DLC1: variants seen among roughly 807,000 people sequenced by gnomAD.
DLC1 encodes rho GTPase-activating protein 7.
Under a neutral mutation model 140.3 loss-of-function variants are expected in DLC1, and 54 were observed. The ratio of observed to expected loss-of-function variants is 0.38; its 90% CI spans 0.31 to 0.48. The LOEUF is 0.48. DLC1 is among the 20% of genes least tolerant of loss of function. DLC1 has a pLI of 0.96. For missense variants in DLC1, 2,536 were observed against 1,907.0 expected (o/e 1.33, Z -6.14); for synonymous variants, 986 against 728.1 (o/e 1.35, Z -5.70).
chr8:13,138,624 T>G (rs899444179), intron 5 of DLC1, among the ~76,000 whole-genome samples: 1 of 152,238 alleles, frequency 6.6e-6, no homozygotes, highest in African/African-American at 2.4e-5. Flanking sequence ...AAGAATAGAA[T>G]GTTTTGAAAA....
chr8:13,248,533 A>G (rs1232329488), intron 5 of DLC1, among the ~76,000 whole-genome samples: 1 of 152,050 alleles, frequency 6.6e-6, no homozygotes, highest in Non-Finnish European at 1.5e-5. Flanking sequence ...TTTTGTTCAT[A>G]TACTTCCCTT....
At chr8:13,490,006 T>C (rs1203264889) in intron 2 of DLC1, among the ~76,000 whole-genome samples, 1 of 151,008 alleles carries the variant, frequency 6.6e-6, no homozygotes, top group Non-Finnish European at 1.5e-5. Context: ...CGAGACTGTT[T>C]TCTCCATTTT....
chr8:13,472,666 A>G (rs1442585434), intron 2 of DLC1, among the ~76,000 whole-genome samples: 1 of 152,162 alleles, frequency 6.6e-6, no homozygotes, highest in African/African-American at 2.4e-5. Flanking sequence ...TAGTGTCTTA[A>G]ACAAGACTAT....
intron 4 of DLC1, among the ~76,000 whole-genome samples, chr8:13,344,516 T>A (rs1834228857): frequency 6.6e-6 from 1 of 152,234 alleles, no homozygotes; most frequent in East Asian, 1.9e-4. Flanking sequence ...CAAAACAAAA[T>A]ACTTTCAATC....
chr8:13,407,344 T>C (rs1267372815), intron 2 of DLC1, among the ~76,000 whole-genome samples: 1 of 152,204 alleles, frequency 6.6e-6, no homozygotes, highest in Non-Finnish European at 1.5e-5. Context: ...TCTGCTTCTT[T>C]CCTTCCATCT....
chr8:13,550,327 C>G (rs1029527148), intron 1 of DLC1, among the ~76,000 whole-genome samples: 7 of 152,088 alleles, frequency 4.6e-5, no homozygotes, highest in African/African-American at 1.7e-4. Flanking sequence ...TCCCCTTTGT[C>G]TTCTGTCATA....
intron 2 of DLC1, among the ~76,000 whole-genome samples, chr8:13,476,860 C>T (rs1030268524): frequency 5.9e-5 from 9 of 152,158 alleles, no homozygotes; most frequent in African/African-American, 2.2e-4. Flanking sequence ...TACACCTTTT[C>T]ATGTAAGTGA....
intron 4 of DLC1, among the ~76,000 whole-genome samples, chr8:13,329,312 T>C (rs1833494389): frequency 6.6e-6 from 1 of 152,172 alleles, no homozygotes; most frequent in Admixed American, 6.5e-5. Flanking sequence ...CATACATTCA[T>C]AGAAAATGAT....
chr8:13,552,081 C>A (rs192931880), intron 1 of DLC1, among the ~76,000 whole-genome samples: 54 of 112,020 alleles, frequency 4.8e-4, no homozygotes, highest in African/African-American at 6.7e-4. Context: ...CTCTTTCTCT[C>A]TATATATATG....
At chr8:13,189,210 C>G (rs1826599496) in intron 5 of DLC1, among the ~76,000 whole-genome samples, 1 of 152,086 alleles carries the variant, frequency 6.6e-6, no homozygotes, top group Non-Finnish European at 1.5e-5. Context: ...ATAGCCTCTT[C>G]CTGTTAAGGT....
At chr8:13,345,683 G>A (rs1046593837) in intron 4 of DLC1, among the ~76,000 whole-genome samples, 6 of 148,618 alleles carry the variant, frequency 4.0e-5, no homozygotes, top group Non-Finnish European at 4.4e-5. Context: ...TCAGCCTCCC[G>A]AGTAGCTGGG....
At chr8:13,406,334 A>G (rs1257244503) in intron 2 of DLC1, among the ~76,000 whole-genome samples, 1 of 151,480 alleles carries the variant, frequency 6.6e-6, no homozygotes, top group East Asian at 1.9e-4. Flanking sequence ...AGTTCTTTAA[A>G]CTTTTATTTA....
chr8:13,309,673 G>A (rs1256837017), intron 4 of DLC1, among the ~76,000 whole-genome samples: 1 of 152,148 alleles, frequency 6.6e-6, no homozygotes, highest in African/African-American at 2.4e-5. Flanking sequence ...CTAAACATAT[G>A]TTGATTCTTT....
intron 5 of DLC1, among the ~76,000 whole-genome samples, chr8:13,153,509 C>T (rs959478599): frequency 2.6e-5 from 4 of 152,336 alleles, no homozygotes; most frequent in East Asian, 3.9e-4. Context: ...CCAAACAGGT[C>T]GCCACTGCTG....
At chr8:13,240,479 T>A (rs78067195) in intron 5 of DLC1, among the ~76,000 whole-genome samples, 1 of 152,142 alleles carries the variant, frequency 6.6e-6, no homozygotes, top group Admixed American at 6.5e-5. Flanking sequence ...GGAGTCCAGT[T>A]ATATGATCAC....
At chr8:13,343,724 G>T (rs995393990) in intron 4 of DLC1, among the ~76,000 whole-genome samples, 6 of 152,094 alleles carry the variant, frequency 3.9e-5, no homozygotes, top group African/African-American at 1.4e-4. Context: ...TTCCTACACT[G>T]GATCGCCTCT....
At chr8:13,322,567 G>T (rs1833168751) in intron 4 of DLC1, among the ~76,000 whole-genome samples, 1 of 151,978 alleles carries the variant, frequency 6.6e-6, no homozygotes, top group East Asian at 1.9e-4. Context: ...ACCTTAAGAA[G>T]GTTAAACACT....
chr8:13,092,317 C>A (rs1273414736), intron 13 of DLC1, among the ~76,000 whole-genome samples: 2 of 152,216 alleles, frequency 1.3e-5, no homozygotes, highest in African/African-American at 4.8e-5. Flanking sequence ...ACTAGCATAA[C>A]TAGGCCCCAG....
rs1586148214 is a variant in DLC1, at chr8:13,329,356, G to T, written c.1315-24054C>A. ...TCCAGATCATTGGGATGCATAGAAG[G>T]GGGGTCAAGGTTGGAGTTGTATCCT... On this transcript the variant is annotated intron_variant, in intron 4 of 17. Transcript: ENST00000276297. Among the ~76,000 whole-genome samples, 4 of 135,954 alleles carry T rather than the reference G, an allele frequency of 2.9e-5. No homozygotes were observed. The South Asian group carries it at 1.1e-3, about 38-fold the overall frequency. The allele number at this position is 135,954 out of a possible 152,430, so 89.2% of individuals were successfully genotyped here.
Sources: gnomAD v4.1 joint callset for allele counts (sites outside exome capture counted in the v4.1 genomes callset) on GRCh38, gnomAD v4.1.1 for gene constraint, MANE v1.5 for transcripts, NCBI Gene and HGNC (gene_info 2026-07-23, HGNC 2026-07-21) for gene names.